CADM2: variants seen among roughly 807,000 people sequenced by gnomAD.
CADM2 encodes cell adhesion molecule 2.
In CADM2, 12 loss-of-function variants were observed where a neutral mutation model predicts 49.8. The observed-to-expected ratio is 0.24, with a 90% confidence interval of 0.15 to 0.39. The LOEUF (loss-of-function observed/expected upper bound fraction) is 0.39, where lower values mean the gene tolerates loss of function less well. CADM2 is among the 10% of genes least tolerant of loss of function. The probability of loss-of-function intolerance (pLI) is 1.00; values close to 1 mark genes in which losing one functional copy is unlikely to be tolerated. For missense variants in CADM2, 378 were observed against 492.3 expected, an observed-to-expected ratio of 0.77 and a Z score of 2.20; for synonymous variants, 214 against 175.4, an observed-to-expected ratio of 1.22 and a Z score of -1.74.
intron 1 of CADM2, among the ~76,000 whole-genome samples, chr3:85,115,847 T>G (rs1387737572): frequency 6.6e-6 from 1 of 152,164 alleles, no homozygotes; most frequent in African/African-American, 2.4e-5. Flanking sequence ...CAAGTGTGTG[T>G]TGAATTGGAT....
intron 2 of CADM2, among the ~76,000 whole-genome samples, chr3:85,795,880 T>C (rs959562831): frequency 2.6e-5 from 4 of 152,312 alleles, no homozygotes; most frequent in African/African-American, 9.6e-5. Flanking sequence ...TAGATAAGAA[T>C]GAAAATGTTG....
chr3:85,785,678 C>T (rs2070938716), intron 2 of CADM2, among the ~76,000 whole-genome samples: 1 of 152,002 alleles, frequency 6.6e-6, no homozygotes, highest in Non-Finnish European at 1.5e-5. Flanking sequence ...GCATAATAGC[C>T]ATTTGTACTA....
chr3:85,924,863 T>C (rs1719624548), intron 6 of CADM2, among the ~76,000 whole-genome samples: 1 of 152,154 alleles, frequency 6.6e-6, no homozygotes, highest in Non-Finnish European at 1.5e-5. Context: ...AAGTCCAAAC[T>C]CTACAGCTTG....
chr3:85,704,215 T>A (rs183378489), intron 1 of CADM2, among the ~76,000 whole-genome samples: 92 of 152,330 alleles, frequency 6.0e-4, no homozygotes, highest in African/African-American at 2.1e-3. Flanking sequence ...AACTTCTGTA[T>A]GTTATGGGTC....
chr3:85,877,968 A>G (rs1163646376), intron 3 of CADM2, among the ~76,000 whole-genome samples: 3 of 151,850 alleles, frequency 2.0e-5, no homozygotes, highest in Non-Finnish European at 4.4e-5. Flanking sequence ...TTTTTTCCTT[A>G]TTCTTCATAC....
chr3:85,785,798 C>A (rs1197538163), intron 2 of CADM2, among the ~76,000 whole-genome samples: 1 of 151,986 alleles, frequency 6.6e-6, no homozygotes, highest in Non-Finnish European at 1.5e-5. Flanking sequence ...CGAAATTCTT[C>A]CATCAGCTTC....
At chr3:85,856,640 G>C (rs1279455110) in intron 3 of CADM2, among the ~76,000 whole-genome samples, 1 of 152,130 alleles carries the variant, frequency 6.6e-6, no homozygotes, top group Non-Finnish European at 1.5e-5. Context: ...TTTGGAAATG[G>C]TAAAATGCAA....
intron 1 of CADM2, among the ~76,000 whole-genome samples, chr3:85,422,293 T>C (rs2036207043): frequency 6.6e-6 from 1 of 152,206 alleles, no homozygotes; most frequent in African/African-American, 2.4e-5. Flanking sequence ...AGCAGCCTTT[T>C]TTTTTTGAGA....
At chr3:85,273,403 A>G (rs1303726594) in intron 1 of CADM2, among the ~76,000 whole-genome samples, 1 of 151,306 alleles carries the variant, frequency 6.6e-6, no homozygotes, top group Non-Finnish European at 1.5e-5. Context: ...TTTAAAAAAG[A>G]CTTAGAGGAA....
chr3:85,418,996 C>T (rs2036037194), intron 1 of CADM2, among the ~76,000 whole-genome samples: 1 of 151,846 alleles, frequency 6.6e-6, no homozygotes, highest in Non-Finnish European at 1.5e-5. Flanking sequence ...GGGTTGGGAA[C>T]AGAAAGTTCA....
intron 1 of CADM2, among the ~76,000 whole-genome samples, chr3:85,295,131 G>T (rs1450330031): frequency 6.6e-6 from 1 of 152,096 alleles, no homozygotes; most frequent in Non-Finnish European, 1.5e-5. Context: ...GTGGGCAAAG[G>T]ACATGAACAG....
At chr3:85,365,199 CTTT>C (rs397962829) in intron 1 of CADM2, among the ~76,000 whole-genome samples, 1 of 104,708 alleles carries the variant, frequency 9.6e-6, no homozygotes, top group South Asian at 3.5e-4. Flanking sequence ...TTTTTTTTTA[CTTT>C]TTTTTTTTTT....
chr3:85,489,879 A>G (rs535756706), intron 1 of CADM2, among the ~76,000 whole-genome samples: 1 of 151,968 alleles, frequency 6.6e-6, no homozygotes, highest in African/African-American at 2.4e-5. Context: ...GAAAGAAACA[A>G]GCAATAATGA....
At position 85,151,892 on chromosome 3, in the gene CADM2, C is replaced by T. The variant is rs1351097604; in HGVS notation, c.61+192224C>T. Reference sequence around the variant, plus strand: ...TATAGAACTTAAAATTTGCTTAAAGCAATGCCTTATTAATATTATGATCAA... The same window carrying T: ...TATAGAACTTAAAATTTGCTTAAAGTAATGCCTTATTAATATTATGATCAA... On this transcript the variant is annotated intron_variant, in intron 1 of 9. Coordinates refer to ENST00000383699, the MANE Select transcript of CADM2 (RefSeq NM_001167675.2). Among the ~76,000 whole-genome samples, 3 of 152,094 alleles carry T rather than the reference C, an allele frequency of 2.0e-5. No homozygotes were observed. In the East Asian group the frequency reaches 5.8e-4, roughly 29 times the overall value.
intron 1 of CADM2, among the ~76,000 whole-genome samples, chr3:85,500,339 CAT>C (rs1373306094): frequency 2.0e-5 from 3 of 151,936 alleles, no homozygotes; most frequent in Admixed American, 1.3e-4. Context: ...TTTAAAAATG[CAT>C]ATGTTTGCAA....
At chr3:85,364,787 C>A (rs9846211) in intron 1 of CADM2, among the ~76,000 whole-genome samples, 26,656 of 151,946 alleles carry the variant, frequency 0.18, 2,728 homozygotes, top group Non-Finnish European at 0.23. Context: ...CAGACAGATG[C>A]AATAACTTCG....
intron 1 of CADM2, among the ~76,000 whole-genome samples, chr3:85,519,886 C>A (rs967031538): frequency 1.3e-5 from 2 of 151,660 alleles, no homozygotes; most frequent in African/African-American, 4.8e-5. Context: ...ATCTTTATAC[C>A]CACCGAATTT....
chr3:85,425,100 A>G (rs1339255435), intron 1 of CADM2, among the ~76,000 whole-genome samples: 4 of 152,200 alleles, frequency 2.6e-5, no homozygotes. Context: ...AGAGGTCACG[A>G]ACATATTCTA....
At chr3:85,465,137 G>A (rs1415835012) in intron 1 of CADM2, among the ~76,000 whole-genome samples, 3 of 152,084 alleles carry the variant, frequency 2.0e-5, no homozygotes, top group Non-Finnish European at 4.4e-5. Context: ...GAGACAGAAC[G>A]AGACTCTGTC....
Sources: allele counts gnomAD v4.1 joint callset (sites outside exome capture counted in the v4.1 genomes callset), GRCh38; gene constraint gnomAD v4.1.1; transcripts MANE v1.5; gene names NCBI Gene and HGNC (gene_info 2026-07-23, HGNC 2026-07-21).